The following CIRSR variants were observed in gnomAD, a reference collection of about 807,000 sequenced individuals.
The protein encoded by CIRSR is corepressor of RBPJ and splicing regulator.
At chr2:174,375,863 G>T in the CIRSR span, among the ~76,000 whole-genome samples, 1 of 152,054 alleles carries the variant, frequency 6.6e-6, no homozygotes, top group Non-Finnish European at 1.5e-5. Flanking sequence ...TGACTTGAAA[G>T]AACATTTTTG....
the CIRSR span, among the ~76,000 whole-genome samples, chr2:174,369,079 C>T: frequency 6.6e-6 from 1 of 152,230 alleles, no homozygotes; most frequent in African/African-American, 2.4e-5. Context: ...TCGTAGATGG[C>T]ATCTTTTTCC....
chr2:174,393,026 G>T, the CIRSR span, among the ~76,000 whole-genome samples: 1 of 152,156 alleles, frequency 6.6e-6, no homozygotes, highest in Non-Finnish European at 1.5e-5. Flanking sequence ...TATATTTTAG[G>T]AGCAGGCTAA....
chr2:174,387,646 T>G, the CIRSR span: 21 of 1,544,190 alleles, frequency 1.4e-5, no homozygotes, highest in Non-Finnish European at 1.7e-5. Context: ...CCCATGAAAT[T>G]GATAATTCTA....
At chr2:174,369,940 T>C in the CIRSR span, 6 of 1,356,968 alleles carry the variant, frequency 4.4e-6, no homozygotes, top group Non-Finnish European at 9.8e-7. Context: ...AGTAAGCACA[T>C]ACGGTTGGAA....
the CIRSR span, among the ~76,000 whole-genome samples, chr2:174,356,589 AAGAG>A: frequency 3.7e-5 from 4 of 108,258 alleles, no homozygotes; most frequent in African/African-American, 1.1e-4. Flanking sequence ...GAAAGAAAGA[AAGAG>A]GGAGGGAGGG....
At chr2:174,378,938 G>A in the CIRSR span, 1 of 1,612,074 alleles carries the variant, frequency 6.2e-7, no homozygotes, top group Non-Finnish European at 8.5e-7. Flanking sequence ...CCATCAGTGG[G>A]AACCGAACTT....
At chr2:174,372,952 T>C in the CIRSR span, among the ~76,000 whole-genome samples, 620 of 152,306 alleles carry the variant, frequency 4.1e-3, 6 homozygotes, top group African/African-American at 0.014. Flanking sequence ...ATTATTTCCT[T>C]AGGGTAGATT....
the CIRSR span, among the ~76,000 whole-genome samples, chr2:174,394,706 A>G: frequency 2.6e-5 from 4 of 152,234 alleles, no homozygotes; most frequent in Non-Finnish European, 5.9e-5. Flanking sequence ...GTGAGAGTAT[A>G]TAGCAGTATC....
chr2:174,382,663 T>C, the CIRSR span, among the ~76,000 whole-genome samples: 2 of 152,020 alleles, frequency 1.3e-5, no homozygotes, highest in Non-Finnish European at 2.9e-5. Flanking sequence ...CAAAAAAGTC[T>C]ACACATGCCA....
chr2:174,353,402 T>C, the CIRSR span, among the ~76,000 whole-genome samples: 4 of 152,320 alleles, frequency 2.6e-5, no homozygotes, highest in African/African-American at 7.2e-5. Flanking sequence ...TTAAATAAAA[T>C]TGAATTTTAA....
At chr2:174,356,522 A>AGGAAGGAAG in the CIRSR span, among the ~76,000 whole-genome samples, 33 of 135,600 alleles carry the variant, frequency 2.4e-4, 1 homozygote, top group East Asian at 4.4e-3. Context: ...GAAGAAAGAA[A>AGGAAGGAAG]GAAAGAAGAA....
the CIRSR span, among the ~76,000 whole-genome samples, chr2:174,359,165 G>C: frequency 1.3e-5 from 2 of 152,058 alleles, no homozygotes; most frequent in Non-Finnish European, 2.9e-5. Context: ...TCATATACTG[G>C]ATTAGGAATT....
At chr2:174,366,181 A>G in the CIRSR span, among the ~76,000 whole-genome samples, 1 of 152,198 alleles carries the variant, frequency 6.6e-6, no homozygotes, top group East Asian at 1.9e-4. Context: ...AAAGAGAGAA[A>G]AGAAAAAGAA....
chr2:174,362,109 G>C, the CIRSR span, among the ~76,000 whole-genome samples: 10 of 152,042 alleles, frequency 6.6e-5, no homozygotes, highest in Non-Finnish European at 7.4e-5. Context: ...ACTAGCCTGG[G>C]CAACATAGTG....
the CIRSR span, among the ~76,000 whole-genome samples, chr2:174,370,632 G>A: frequency 3.3e-3 from 501 of 152,096 alleles, 10 homozygotes; most frequent in Non-Finnish European, 8.4e-4. Context: ...TACATTCTAC[G>A]GGCTGGGCAC....
At chr2:174,357,547 G>T in the CIRSR span, among the ~76,000 whole-genome samples, 9 of 152,102 alleles carry the variant, frequency 5.9e-5, no homozygotes, top group East Asian at 1.9e-4. Flanking sequence ...ACAAATGAAA[G>T]AAAGTACAAT....
the CIRSR span, among the ~76,000 whole-genome samples, chr2:174,366,064 A>G: frequency 6.6e-6 from 1 of 152,244 alleles, no homozygotes; most frequent in African/African-American, 2.4e-5. Flanking sequence ...AAACACTATC[A>G]GACTTAGATT....
At chr2:174,380,307 C>G in the CIRSR span, 1 of 1,262,930 alleles carries the variant, frequency 7.9e-7, no homozygotes, top group South Asian at 1.4e-5. Flanking sequence ...AAAAATTAAA[C>G]AGCAGTTAAT....
the CIRSR span, chr2:174,380,188 T>G: frequency 6.4e-7 from 1 of 1,564,502 alleles, no homozygotes; most frequent in South Asian, 1.2e-5. Flanking sequence ...CAGAGTAAAA[T>G]ATGTGTCACT....
Sources: gnomAD v4.1 joint callset for allele counts (sites outside exome capture counted in the v4.1 genomes callset) on GRCh38, gnomAD v4.1.1 for gene constraint, MANE v1.5 for transcripts, NCBI Gene and HGNC (gene_info 2026-07-23, HGNC 2026-07-21) for gene names.